CNTN3: variants seen among roughly 807,000 people sequenced by gnomAD.
CNTN3 encodes the protein contactin 3.
A neutral mutation model predicts 119.1 loss-of-function variants in CNTN3; 60 were observed. The observed-to-expected ratio is 0.50, with a 90% CI of 0.41 to 0.62. The LOEUF (loss-of-function observed/expected upper bound fraction) is 0.62. Ranked by LOEUF, CNTN3 falls within the 20% of genes least tolerant of loss-of-function variation. The pLI, the probability that CNTN3 is intolerant of heterozygous loss-of-function variation, is 0.00. For missense variants in CNTN3, 1,101 were observed against 1,242.4 expected (o/e 0.89, Z 1.71); for synonymous variants, 450 against 438.7 (o/e 1.03, Z -0.32).
At chr3:74,525,353 T>C (rs1703604529) in intron 1 of CNTN3, among the ~76,000 whole-genome samples, 1 of 151,956 alleles carries the variant, frequency 6.6e-6, no homozygotes, top group Admixed American at 6.6e-5. Context: ...TTAAATTATG[T>C]TGCTTATTTT....
intron 1 of CNTN3, among the ~76,000 whole-genome samples, chr3:74,557,037 C>T (rs758356965): frequency 5.3e-5 from 8 of 151,966 alleles, no homozygotes; most frequent in Non-Finnish European, 7.4e-5. Flanking sequence ...AATATAAGTC[C>T]CTTACCAGAT....
chr3:74,570,028 C>A (rs2106648070), intron 1 of CNTN3, among the ~76,000 whole-genome samples: 1 of 152,240 alleles, frequency 6.6e-6, no homozygotes, highest in East Asian at 1.9e-4. Flanking sequence ...TTATGCATAA[C>A]CCCCACAGCC....
intron 1 of CNTN3, among the ~76,000 whole-genome samples, chr3:74,586,562 T>G (rs1704596293): frequency 6.6e-6 from 1 of 152,120 alleles, no homozygotes; most frequent in South Asian, 2.1e-4. Context: ...GCTACAGAAC[T>G]GTCTAGCTTT....
intron 1 of CNTN3, among the ~76,000 whole-genome samples, chr3:74,609,765 T>A (rs1181645749): frequency 6.6e-6 from 1 of 152,170 alleles, no homozygotes; most frequent in Non-Finnish European, 1.5e-5. Flanking sequence ...TTTATCAAAC[T>A]CCACTGTGGG....
chr3:74,272,463 T>C (rs1701796479), intron 20 of CNTN3, among the ~76,000 whole-genome samples: 1 of 152,216 alleles, frequency 6.6e-6, no homozygotes, highest in South Asian at 2.1e-4. Context: ...TATTATATTG[T>C]TATGTTTCTT....
At chr3:74,527,278 T>G (rs1476609095) in intron 1 of CNTN3, among the ~76,000 whole-genome samples, 5 of 151,908 alleles carry the variant, frequency 3.3e-5, no homozygotes, top group Non-Finnish European at 5.9e-5. Context: ...AATAATGAGA[T>G]TGTTTTTTAT....
At chr3:74,557,178 G>T (rs1302443802) in intron 1 of CNTN3, among the ~76,000 whole-genome samples, 2 of 151,744 alleles carry the variant, frequency 1.3e-5, no homozygotes, top group African/African-American at 2.4e-5. Flanking sequence ...TGTCACTTGG[G>T]GTTTTAATGT....
intron 12 of CNTN3, among the ~76,000 whole-genome samples, chr3:74,335,621 T>C (rs1703374623): frequency 6.6e-6 from 1 of 152,142 alleles, no homozygotes; most frequent in South Asian, 2.1e-4. Context: ...CCTCTTTAAC[T>C]CAGTCTAGCC....
intron 1 of CNTN3, among the ~76,000 whole-genome samples, chr3:74,578,933 T>C (rs904795795): frequency 7.2e-5 from 11 of 152,078 alleles, no homozygotes; most frequent in African/African-American, 2.6e-4. Context: ...CTGCATTAAA[T>C]GTGAAGAGAA....
At chr3:74,358,395 T>G (rs1483226389) in intron 11 of CNTN3, among the ~76,000 whole-genome samples, 1 of 151,520 alleles carries the variant, frequency 6.6e-6, no homozygotes, top group Non-Finnish European at 1.5e-5. Flanking sequence ...TCTCTCTCCT[T>G]AAAAACACAA....
chr3:74,511,948 A>G (rs550470184), intron 2 of CNTN3, among the ~76,000 whole-genome samples: 4 of 152,200 alleles, frequency 2.6e-5, no homozygotes, highest in East Asian at 3.9e-4. Flanking sequence ...GTGACTCTGG[A>G]CCACAATAAA....
intron 13 of CNTN3, among the ~76,000 whole-genome samples, chr3:74,331,314 G>A (rs2106700230): frequency 6.6e-6 from 1 of 152,304 alleles, no homozygotes; most frequent in East Asian, 1.9e-4. Context: ...ATTCAGGGCA[G>A]TGGCATGTTG....
chr3:74,328,675 C>A (rs547657450), intron 13 of CNTN3, among the ~76,000 whole-genome samples: 1 of 152,224 alleles, frequency 6.6e-6, no homozygotes, highest in East Asian at 1.9e-4. Context: ...AGGAACTGAG[C>A]CTTTATTTGC....
chr3:74,494,287 G>GA (rs1041533914), intron 3 of CNTN3, among the ~76,000 whole-genome samples: 3 of 151,756 alleles, frequency 2.0e-5, no homozygotes, highest in Admixed American at 6.6e-5. Context: ...TTGCCCCACT[G>GA]AAAAAACACA....
intron 1 of CNTN3, among the ~76,000 whole-genome samples, chr3:74,602,402 G>C (rs1704926227): frequency 6.6e-6 from 1 of 150,558 alleles, no homozygotes; most frequent in Non-Finnish European, 1.5e-5. Context: ...TGTTATTTTA[G>C]ACTATTGAAA....
intron 4 of CNTN3, 56 bp from the exon 5 acceptor site, chr3:74,424,996 T>C: frequency 4.2e-6 from 5 of 1,180,386 alleles, no homozygotes; most frequent in Non-Finnish European, 6.0e-6. Flanking sequence ...AATCACAAAT[T>C]TTACACCAAG....
intron 1 of CNTN3, among the ~76,000 whole-genome samples, chr3:74,567,931 G>T (rs1299911325): frequency 6.6e-6 from 1 of 152,164 alleles, no homozygotes; most frequent in Non-Finnish European, 1.5e-5. Flanking sequence ...GCGTTAGCAA[G>T]ATTTTAACAA....
chr3:74,587,849 G>A (rs1314405904), intron 1 of CNTN3, among the ~76,000 whole-genome samples: 2 of 152,198 alleles, frequency 1.3e-5, no homozygotes, highest in African/African-American at 4.8e-5. Flanking sequence ...GGAGGCGTGA[G>A]AGAGGGCATC....
rs1293001317 is a variant in CNTN3, at chr3:74,369,251, T to C, written c.884A>G (p.Tyr295Cys). 4.3e-6 allele frequency: 7 copies of C among 1,611,258 alleles called. No homozygotes were observed. Among genetic ancestry groups the C allele is most frequent in the African/African-American group, 1.3e-5 (1 of 74,706 alleles). Residue 295 changes from tyrosine (Y) to cysteine (C), a missense_variant, in exon 8 of 23, where the codon TAT becomes TGT. Transcript: ENST00000263665. ...TCGTGAATTCTCAGCAATGCATTCATAGGAACCTGCATCTTCCTGTTGGAA... is the reference window on the plus strand; with the variant it reads ...TCGTGAATTCTCAGCAATGCATTCACAGGAACCTGCATCTTCCTGTTGGAA... ...PNFQQEDAGS[Y>C]ECIAENSRGK...
Sources: allele counts gnomAD v4.1 joint callset (sites outside exome capture counted in the v4.1 genomes callset), GRCh38; gene constraint gnomAD v4.1.1; transcripts MANE v1.5; gene names NCBI Gene and HGNC (gene_info 2026-07-23, HGNC 2026-07-21).